The following PLXDC2 variants were observed in gnomAD, a reference collection of about 807,000 sequenced individuals.
The protein encoded by PLXDC2 is plexin domain-containing protein 2.
PLXDC2 carries 40 observed loss-of-function variants against 68.9 expected under a neutral mutation model. The ratio of observed to expected loss-of-function variants is 0.58; its 90% CI spans 0.45 to 0.76. PLXDC2 has a LOEUF of 0.76. Among genes scored for constraint, PLXDC2 ranks in the 30% least tolerant of loss-of-function variants. PLXDC2 has a pLI of 0.00. For missense variants in PLXDC2, 644 were observed against 661.9 expected (o/e 0.97, Z 0.30); for synonymous variants, 243 against 234.2 (o/e 1.04, Z -0.34).
rs1232937292 is a variant in PLXDC2 at position 20,288,723 on chromosome 10, C to G, written c.*8904C>G. ...TGTTTTCTTCACACAGCTTCTTAAACCAAGTTTCTCTGCAGCTCTTTCGGT... is the reference window on the plus strand; with the variant it reads ...TGTTTTCTTCACACAGCTTCTTAAAGCAAGTTTCTCTGCAGCTCTTTCGGT... On this transcript the variant is annotated 3_prime_UTR_variant, in exon 14 of 14. Transcript: ENST00000377252. 1 of 152,132 alleles carries G rather than the reference C, an allele frequency of 6.6e-6. No individual in the cohort carries two copies. The highest frequency in any genetic ancestry group is 1.5e-5 in the Non-Finnish European group (1 of 68,022). The allele number at this position is 152,132 out of a possible 1,614,324, so 9.4% of individuals were successfully genotyped here.
intron 6 of PLXDC2, among the ~76,000 whole-genome samples, chr10:20,152,502 T>TA (rs2131802661): frequency 6.6e-6 from 1 of 152,230 alleles, no homozygotes; most frequent in Admixed American, 6.5e-5. Context: ...ACTTCAAAGA[T>TA]AGAGTTTGCT....
intron 9 of PLXDC2, among the ~76,000 whole-genome samples, chr10:20,203,991 T>G (rs927887095): frequency 6.6e-5 from 10 of 151,152 alleles, no homozygotes; most frequent in Admixed American, 1.3e-4. Context: ...ACTTCATAAG[T>G]GATCCTACAA....
At chr10:19,874,769 G>A (rs1318094569) in intron 1 of PLXDC2, among the ~76,000 whole-genome samples, 1 of 152,194 alleles carries the variant, frequency 6.6e-6, no homozygotes, top group Admixed American at 6.5e-5. Context: ...GAGGCAGAAA[G>A]CATTTCAGTT....
intron 1 of PLXDC2, among the ~76,000 whole-genome samples, chr10:19,931,780 C>A (rs1378580519): frequency 6.6e-6 from 1 of 152,172 alleles, no homozygotes; most frequent in African/African-American, 2.4e-5. Context: ...ATCTGACTCA[C>A]CCTCCCTGCC....
intron 12 of PLXDC2, among the ~76,000 whole-genome samples, chr10:20,220,838 C>CTAT (rs776196700): frequency 3.4e-5 from 4 of 116,504 alleles, no homozygotes; most frequent in South Asian, 2.8e-4. Context: ...GCTCTTAACA[C>CTAT]TTTTTTTTTT....
chr10:20,062,913 A>G (rs1836131161), intron 3 of PLXDC2, among the ~76,000 whole-genome samples: 1 of 152,170 alleles, frequency 6.6e-6, no homozygotes, highest in African/African-American at 2.4e-5. Context: ...CTTTTATTTT[A>G]CAACTCTTCC....
chr10:20,184,488 G>A (rs368199185), intron 9 of PLXDC2, among the ~76,000 whole-genome samples: 2 of 151,446 alleles, frequency 1.3e-5, no homozygotes, highest in Non-Finnish European at 3.0e-5. Flanking sequence ...AGTCAGAAAT[G>A]TTGGCTAATT....
intron 12 of PLXDC2, among the ~76,000 whole-genome samples, chr10:20,238,687 A>ATATG (rs1564363512): frequency 9.8e-6 from 1 of 101,672 alleles, no homozygotes; most frequent in African/African-American, 3.8e-5. Context: ...GTATATATAT[A>ATATG]TATATACACA....
intron 1 of PLXDC2, among the ~76,000 whole-genome samples, chr10:19,851,576 C>T (rs1564609237): frequency 6.6e-6 from 1 of 152,106 alleles, no homozygotes; most frequent in South Asian, 2.1e-4. Context: ...GACAGAGTCT[C>T]GCTCTGTTAC....
At chr10:20,011,306 G>A (rs1349103117) in intron 2 of PLXDC2, among the ~76,000 whole-genome samples, 1 of 152,146 alleles carries the variant, frequency 6.6e-6, no homozygotes, top group Non-Finnish European at 1.5e-5. Context: ...GGGCCAGAGT[G>A]CTGCTGGATG....
At chr10:20,239,344 C>T (rs1300226348) in intron 12 of PLXDC2, among the ~76,000 whole-genome samples, 1 of 152,178 alleles carries the variant, frequency 6.6e-6, no homozygotes, top group Non-Finnish European at 1.5e-5. Context: ...TCCATTTTCA[C>T]ACTGCTATCA....
intron 1 of PLXDC2, among the ~76,000 whole-genome samples, chr10:19,934,723 C>T (rs1465275200): frequency 6.6e-6 from 1 of 152,182 alleles, no homozygotes; most frequent in African/African-American, 2.4e-5. Context: ...TTTAGCAGTG[C>T]TTCCTATCCA....
chr10:20,120,488 G>GCTGGTC (rs1325557439), intron 4 of PLXDC2, among the ~76,000 whole-genome samples: 2 of 152,130 alleles, frequency 1.3e-5, no homozygotes, highest in African/African-American at 4.8e-5. Context: ...ACTAATAAAG[G>GCTGGTC]CTGGTCTGTT....
Position 19,924,069 on chromosome 10 carries a change from G to A in PLXDC2, c.113-77706G>A, listed in dbSNP as rs11011679. On this transcript the variant is annotated intron_variant, in intron 1 of 13. Coordinates refer to ENST00000377252, the MANE Select transcript of PLXDC2 (RefSeq NM_032812.9). ...AGACTCTGTGTCTGTACAGTTCCCG[G>A]AAGTCCCAACCGGCCAGCATTTACC... 2.0e-4 allele frequency among the ~76,000 whole-genome samples: 31 copies of A among 152,166 alleles called. No individual in the cohort carries two copies. The East Asian group carries it at 5.8e-3, about 29-fold the overall frequency.
intron 13 of PLXDC2, among the ~76,000 whole-genome samples, chr10:20,262,489 C>A (rs1835821584): frequency 6.6e-6 from 1 of 152,318 alleles, no homozygotes; most frequent in Non-Finnish European, 1.5e-5. Context: ...ATACCTCCCT[C>A]CAGGCAGCCT....
chr10:19,904,330 T>C (rs1166266384), intron 1 of PLXDC2, among the ~76,000 whole-genome samples: 1 of 151,958 alleles, frequency 6.6e-6, no homozygotes, highest in African/African-American at 2.4e-5. Flanking sequence ...ATTTCTCAGG[T>C]CTAGTAGTAA....
intron 1 of PLXDC2, among the ~76,000 whole-genome samples, chr10:19,870,992 A>G (rs61842782): frequency 0.033 from 4,989 of 152,316 alleles, 119 homozygotes; most frequent in Middle Eastern, 0.054. Context: ...GAATTGTCCA[A>G]GACCAGAGCT....
intron 12 of PLXDC2, among the ~76,000 whole-genome samples, chr10:20,233,218 T>C (rs1835388213): frequency 6.6e-6 from 1 of 152,096 alleles, no homozygotes; most frequent in South Asian, 2.1e-4. Flanking sequence ...AAGGTTCCCT[T>C]GGGCTTTAAA....
intron 1 of PLXDC2, among the ~76,000 whole-genome samples, chr10:19,974,966 C>A (rs1834423555): frequency 6.6e-6 from 1 of 152,150 alleles, no homozygotes; most frequent in African/African-American, 2.4e-5. Flanking sequence ...ATCATTATTC[C>A]ATTTTCATAA....
Sources: allele counts gnomAD v4.1 joint callset (sites outside exome capture counted in the v4.1 genomes callset), GRCh38; gene constraint gnomAD v4.1.1; transcripts MANE v1.5; gene names NCBI Gene and HGNC (gene_info 2026-07-23, HGNC 2026-07-21).